The following TNKS variants were observed in gnomAD, a reference collection of about 807,000 sequenced individuals.
TNKS encodes poly [ADP-ribose] polymerase tankyrase-1.
Under a neutral mutation model 135.8 loss-of-function variants are expected in TNKS, and 72 were observed. The observed-to-expected ratio is 0.53, with a 90% CI of 0.44 to 0.64. The LOEUF is 0.64. Among genes scored for constraint, TNKS ranks in the 30% least tolerant of loss-of-function variants. TNKS has a pLI of 0.00. For missense variants in TNKS, 1,769 were observed against 1,674.0 expected, an observed-to-expected ratio of 1.06 and a Z score of -0.99; for synonymous variants, 849 against 649.3, an observed-to-expected ratio of 1.31 and a Z score of -4.68.
rs1324266543 is a variant in TNKS, at chr8:9,615,676, A to G, written c.993A>G (p.Thr331=). The change falls in exon 3 of 27, where the codon ACA becomes ACG. Residue 331 remains threonine, a splice_region_variant and synonymous_variant. Coordinates refer to ENST00000310430, the MANE Select transcript of TNKS (RefSeq NM_003747.3). ...LADPSAKAVL[T]GEYKKDELLE... is the part of the protein sequence containing the mutation. Reference sequence around the variant, plus strand: ...ATCCTTCAGCAAAAGCTGTCCTTACAGGTAAGAAGACAGAGAGCTACCGAA... The same window carrying G: ...ATCCTTCAGCAAAAGCTGTCCTTACGGGTAAGAAGACAGAGAGCTACCGAA... The G allele has an allele frequency of 6.2e-7, 1 of 1,609,138 alleles. No homozygotes were observed. The highest frequency in any genetic ancestry group is 8.5e-7 in the Non-Finnish European group (1 of 1,177,018).
At chr8:9,658,492 T>A (rs1026061416) in intron 3 of TNKS, 1 of 590,030 alleles carries the variant, frequency 1.7e-6, no homozygotes, top group Non-Finnish European at 2.7e-6. Flanking sequence ...CTAAGCTTCA[T>A]AAGTGAAGGA....
intron 13 of TNKS, among the ~76,000 whole-genome samples, chr8:9,730,467 A>G (rs1805379707): frequency 6.6e-6 from 1 of 152,122 alleles, no homozygotes; most frequent in Non-Finnish European, 1.5e-5. Flanking sequence ...TGCTTGACTC[A>G]CATTAGAGAC....
intron 1 of TNKS, among the ~76,000 whole-genome samples, chr8:9,562,858 C>G (rs1211821924): frequency 7.0e-6 from 1 of 143,830 alleles, no homozygotes; most frequent in African/African-American, 2.6e-5. Flanking sequence ...TTTTTTTTCT[C>G]TTCCATTAAA....
chr8:9,590,500 A>C (rs556811679), intron 2 of TNKS, among the ~76,000 whole-genome samples: 1 of 152,240 alleles, frequency 6.6e-6, no homozygotes, highest in African/African-American at 2.4e-5. Context: ...TTTGTTTGCC[A>C]TCTGTGTACT....
chr8:9,579,426 AT>A (rs1294734344), intron 1 of TNKS, among the ~76,000 whole-genome samples: 1 of 151,846 alleles, frequency 6.6e-6, no homozygotes, highest in Non-Finnish European at 1.5e-5. Flanking sequence ...GTGTGTTGTG[AT>A]TTGTCTTAGA....
chr8:9,632,852 C>T (rs1234622924), intron 3 of TNKS, among the ~76,000 whole-genome samples: 1 of 152,166 alleles, frequency 6.6e-6, no homozygotes, highest in Non-Finnish European at 1.5e-5. Context: ...GCCTCAGCCT[C>T]CCGAGTAGCT....
rs1302984680 is a variant in TNKS, at chr8:9,555,947, C to A, written c.8C>A (p.Ala3Glu). Residue 3 changes from alanine (A) to glutamate (E), a missense_variant, in exon 1 of 27, where the codon GCG becomes GAG. Ala to Glu is a moderately radical substitution (Grantham distance 107). Coordinates refer to ENST00000310430, the MANE Select transcript of TNKS (RefSeq NM_003747.3). MA[A>E]SRRSQHHHHH... ...TGCTAGGGGAGTCCGAAGATGGCGG[C>A]GTCGCGTCGCTCTCAGCATCATCAC... 1.4e-5 allele frequency: 22 copies of A among 1,610,376 alleles called. No homozygotes were observed. The highest frequency in any genetic ancestry group is 1.7e-6 in the Non-Finnish European group (2 of 1,178,684).
chr8:9,618,596 G>T (rs1294795245), intron 3 of TNKS, among the ~76,000 whole-genome samples: 1 of 152,134 alleles, frequency 6.6e-6, no homozygotes, highest in Non-Finnish European at 1.5e-5. Context: ...TTTTAAATAG[G>T]GGTATGAAAA....
intron 1 of TNKS, among the ~76,000 whole-genome samples, chr8:9,573,653 A>T (rs909565027): frequency 6.6e-6 from 1 of 152,154 alleles, no homozygotes; most frequent in Non-Finnish European, 1.5e-5. Context: ...GTTGGGTGTA[A>T]TGGGATCTTT....
chr8:9,556,435 G>A lies in TNKS; in HGVS notation c.496G>A (p.Gly166Arg). The change falls in exon 1 of 27, where the codon GGG (glycine) becomes AGG (arginine). Residue 166 changes from glycine (G) to arginine (R), a missense_variant. This residue lies in a region of TNKS where 450 missense variants were observed against 304.9 expected (regional missense o/e 1.48). Coordinates refer to ENST00000310430, the MANE Select transcript of TNKS (RefSeq NM_003747.3). ...AAGVSSTAPL[G>R]PGAAGPGTGV... ...CGGAGTTAGCAGCACAGCACCACTG[G>A]GGCCTGGGGCAGCAGGACCTGGGAC... The A allele has an allele frequency of 6.2e-7, 1 of 1,614,172 alleles. No homozygotes were observed. The highest frequency in any genetic ancestry group is 8.5e-7 in the Non-Finnish European group (1 of 1,180,048).
At chr8:9,676,123 C>G (rs1802524012) in intron 3 of TNKS, among the ~76,000 whole-genome samples, 2 of 151,632 alleles carry the variant, frequency 1.3e-5, no homozygotes, top group African/African-American at 4.9e-5. Context: ...AGAGATTCTC[C>G]TGCCTCAGCC....
chr8:9,663,178 T>A (rs1437442808), intron 3 of TNKS, among the ~76,000 whole-genome samples: 2 of 152,216 alleles, frequency 1.3e-5, no homozygotes, highest in Non-Finnish European at 2.9e-5. Context: ...ACATCCCTGC[T>A]CATCCATTTT....
intron 3 of TNKS, among the ~76,000 whole-genome samples, chr8:9,647,571 G>C (rs1012674411): frequency 2.6e-5 from 4 of 152,172 alleles, no homozygotes; most frequent in Admixed American, 2.0e-4. Flanking sequence ...TAACTGCTGA[G>C]TTCATAGCTT....
intron 1 of TNKS, among the ~76,000 whole-genome samples, chr8:9,560,146 T>C (rs1237527197): frequency 6.6e-6 from 1 of 152,174 alleles, no homozygotes; most frequent in Non-Finnish European, 1.5e-5. Context: ...GGATGGTTTC[T>C]AGTAGTGACA....
At chr8:9,613,453 C>T (rs1385826948) in intron 2 of TNKS, among the ~76,000 whole-genome samples, 2 of 152,152 alleles carry the variant, frequency 1.3e-5, no homozygotes, top group African/African-American at 4.8e-5. Flanking sequence ...GGGTTAGATA[C>T]CTTCTCCTAA....
At chr8:9,576,220 G>T (rs1797938467) in intron 1 of TNKS, among the ~76,000 whole-genome samples, 1 of 152,104 alleles carries the variant, frequency 6.6e-6, no homozygotes, top group Non-Finnish European at 1.5e-5. Context: ...AATTGAGTCT[G>T]AGCAAAATTG....
intron 3 of TNKS, among the ~76,000 whole-genome samples, chr8:9,660,299 G>C (rs1801632811): frequency 6.6e-6 from 1 of 152,130 alleles, no homozygotes; most frequent in African/African-American, 2.4e-5. Context: ...GAGAATTTTA[G>C]ACCAATATCC....
chr8:9,567,610 G>T (rs111807725), intron 1 of TNKS, among the ~76,000 whole-genome samples: 27 of 152,194 alleles, frequency 1.8e-4, no homozygotes, highest in East Asian at 1.5e-3. Flanking sequence ...GTAGAGACGG[G>T]GTTTCACCGT....
At chr8:9,586,428 T>C (rs1013296535) in intron 2 of TNKS, among the ~76,000 whole-genome samples, 2 of 152,168 alleles carry the variant, frequency 1.3e-5, no homozygotes, top group Non-Finnish European at 2.9e-5. Flanking sequence ...CTGTTTTTTT[T>C]CCCATTATTT....
Sources: gnomAD v4.1 joint callset for allele counts (sites outside exome capture counted in the v4.1 genomes callset) on GRCh38, gnomAD v4.1.1 for gene constraint, gnomAD v4.1.1 regional missense constraint, MANE v1.5 for transcripts, NCBI Gene and HGNC (gene_info 2026-07-23, HGNC 2026-07-21) for gene names.